Variants in OTOF observed in about 807,000 individuals in gnomAD.
The protein encoded by OTOF is fer-1-like family member 2.
In OTOF, 218 loss-of-function variants were observed where a neutral mutation model predicts 236.8. The observed-to-expected ratio is 0.92, with a 90% CI of 0.82 to 1.03. OTOF has a LOEUF of 1.03. Ranked by LOEUF, OTOF falls within the 50% of genes least tolerant of loss-of-function variation. OTOF has a pLI of 0.00. For synonymous variants in OTOF, 1,041 were observed against 1,072.5 expected (o/e 0.97, Z 0.57); for missense variants, 2,590 against 2,694.4 (o/e 0.96, Z 0.86).
intron 11 of OTOF, among the ~76,000 whole-genome samples, chr2:26,488,016 A>T (rs1374317816): frequency 6.6e-6 from 1 of 152,162 alleles, no homozygotes; most frequent in Non-Finnish European, 1.5e-5. Context: ...GCTGGACTAG[A>T]TGTTTTTCAG....
intron 26 of OTOF, 60 bp downstream of exon 26, chr2:26,474,453 T>A: frequency 1.2e-6 from 1 of 824,696 alleles, no homozygotes; most frequent in Non-Finnish European, 1.6e-6. Flanking sequence ...CCCCCAGCCC[T>A]AGGCCCCAAC....
chr2:26,553,136 T>C (rs1159620364), intron 1 of OTOF, among the ~76,000 whole-genome samples: 1 of 152,276 alleles, frequency 6.6e-6, no homozygotes, highest in East Asian at 1.9e-4. Flanking sequence ...GGACATCTTG[T>C]CCCCAGTGCC....
chr2:26,463,406 G>A (rs757581411), intron 41 of OTOF, 77 bp downstream of exon 41: 3 of 1,238,750 alleles, frequency 2.4e-6, no homozygotes, highest in Non-Finnish European at 3.5e-6. Context: ...TGAGCCCCCC[G>A]CAGGAAGGGT....
chr2:26,550,414 C>T (rs1182919197), intron 1 of OTOF, among the ~76,000 whole-genome samples: 1 of 151,972 alleles, frequency 6.6e-6, no homozygotes, highest in East Asian at 1.9e-4. Context: ...AGGCGGTGTT[C>T]CTTGCTCCCA....
At chr2:26,463,929 C>T (rs1212296964) in intron 40 of OTOF, 35 bp downstream of exon 40, 1 of 1,612,940 alleles carries the variant, frequency 6.2e-7, no homozygotes, top group Non-Finnish European at 8.5e-7. Flanking sequence ...GTCCCCAATA[C>T]CCAAGAACCC....
In OTOF at chr2:26,473,593, A is replaced by T. The variant is rs1245509411; in HGVS notation, c.3409-26T>A. On this transcript the variant is annotated intron_variant, in intron 27 of 46. Transcript: ENST00000272371. This position sits in a 1 kb window ranked among gnomAD's most constrained non-coding sequence, Gnocchi z 7.2. ...CTGGGAGAGGTTGGAGGGTGGGTGC[A>T]GAGAAGAGAGCCCCTTAGTCAAGGG... 1 of 1,582,874 alleles carries T rather than the reference A, an allele frequency of 6.3e-7. No homozygotes were observed. Among genetic ancestry groups the T allele is most frequent in the Non-Finnish European group, 8.6e-7 (1 of 1,169,022 alleles).
In OTOF at chr2:26,474,084, C is replaced by A. The variant is rs370116557; in HGVS notation, c.3315G>T (p.Leu1105=). The change falls in exon 27 of 47, where the codon CTG becomes CTT. Residue 1105 remains leucine, a synonymous_variant. Transcript: ENST00000272371. ...CGTCCACCGGGCCATTGATGGGGGGCAGGTCAGCCTTCCCTGCTGGTCCAA... is the reference window on the plus strand; with the variant it reads ...CGTCCACCGGGCCATTGATGGGGGGAAGGTCAGCCTTCCCTGCTGGTCCAA... ...LQIGPAGKAD[L]PPINGPVDVD... 24 of 1,612,868 alleles carry A rather than the reference C, an allele frequency of 1.5e-5. No individual in the cohort carries two copies. In the Admixed American group the frequency reaches 2.3e-4, roughly 16 times the overall value.
chr2:26,475,908 C>T lies in OTOF; in HGVS notation c.2991+6G>A, dbSNP rs969944898. 5 of 1,601,824 alleles carry T rather than the reference C, an allele frequency of 3.1e-6. No homozygotes were observed. Among genetic ancestry groups the T allele is most frequent in the Admixed American group, 1.7e-5 (1 of 58,716 alleles). ...CCAGAGCCACTCCCTCCTCCCAGGC[C>T]CTCACCTCTGTGCACTGACTCTGAT... On this transcript the variant is annotated splice_donor_region_variant and intron_variant, in intron 24 of 46. Transcript: ENST00000272371.
chr2:26,544,881 CA>C lies in OTOF; in HGVS notation c.80-7108del, dbSNP rs565300604. Among the ~76,000 whole-genome samples the C allele has an allele frequency of 5.8e-3, 858 of 148,184 alleles. 8 individuals are homozygous for C. Among genetic ancestry groups the C allele is most frequent in the African/African-American group, 0.02 (805 of 40,540 alleles). ...TGAAACCCTGTCTCTACTAAAAATA[CA>C]AAAAAAAAATTAGCCAGGCGTGGTG... On this transcript the variant is annotated intron_variant, in intron 1 of 46. Coordinates refer to ENST00000272371, the MANE Select transcript of OTOF (RefSeq NM_194248.3).
chr2:26,472,492 G>A (rs1184481101), intron 30 of OTOF, 27 bp downstream of exon 30: 1 of 1,613,140 alleles, frequency 6.2e-7, no homozygotes, highest in Admixed American at 1.7e-5. Context: ...TTCCCAGCCA[G>A]CAGGGGGCTG....
chr2:26,537,412 T>A (rs773124821), intron 2 of OTOF, among the ~76,000 whole-genome samples: 6 of 152,194 alleles, frequency 3.9e-5, no homozygotes, highest in Non-Finnish European at 7.3e-5. Flanking sequence ...ACCTGTGGGC[T>A]CTTTCTCCAC....
chr2:26,466,028 T>A lies in OTOF; in HGVS notation c.4549A>T (p.Ile1517Phe), dbSNP rs142333327. The A allele has an allele frequency of 5.0e-6, 8 of 1,614,238 alleles. No individual in the cohort carries two copies. The South Asian group carries it at 8.8e-5, about 18-fold the overall frequency. ...TCAGTCTTGCCTAGCCGGATGGCGA[T>A]GTAGGGGTCAGCTTTGCCGTTGATG... ...ADINGKADPYIAIRLGKTDIR... is the reference protein window; with the variant it reads ...ADINGKADPYFAIRLGKTDIR... Residue 1517 changes from isoleucine (I) to phenylalanine (F), a missense_variant, in exon 37 of 47, where the codon ATC (isoleucine) becomes TTC (phenylalanine). This residue lies in a region of OTOF where 1,211 missense variants were observed against 1,352.8 expected (regional missense o/e 0.90). Coordinates refer to ENST00000272371, the MANE Select transcript of OTOF (RefSeq NM_194248.3).
At position 26,519,091 on chromosome 2, in the gene OTOF, G is replaced by A; in HGVS notation, c.246C>T (p.Arg82=). The A allele has an allele frequency of 3.1e-6, 5 of 1,604,136 alleles. No individual in the cohort carries two copies. The highest frequency in any genetic ancestry group is 4.3e-6 in the Non-Finnish European group (5 of 1,173,746). ...CCTCTACCACCTTCTGCAGCACCAT[G>A]CGGAAGGTCCCGATGAGCCTGGGGA... ...VFSNKLIGTF[R]MVLQKVVEES... is the part of the protein sequence containing the mutation. The change falls in exon 4 of 47, where the codon CGC becomes CGT. Residue 82 remains arginine, a synonymous_variant. Transcript: ENST00000272371.
intron 2 of OTOF, among the ~76,000 whole-genome samples, chr2:26,531,678 T>A (rs1194248269): frequency 1.3e-5 from 2 of 152,180 alleles, no homozygotes; most frequent in African/African-American, 4.8e-5. Flanking sequence ...TTTTTGTGGT[T>A]ATGTCCTTTC....
In OTOF at chr2:26,460,167, A is replaced by T. The variant is rs375093015; in HGVS notation, c.5852T>A (p.Leu1951His). ...DTSFIWFLNP[L>H]KSARYFLWHT... is the part of the protein sequence containing the mutation. ...CCACAAGAAGTAGCGAGCCGACTTG[A>T]GAGGGTTCAGGAACCAGATGAAGCT... is the stretch of plus-strand genomic sequence containing the variant. Residue 1951 changes from leucine to histidine, a missense_variant, in exon 46 of 47, where the codon CTC becomes CAC. This residue lies in a region of OTOF where 1,211 missense variants were observed against 1,352.8 expected (regional missense o/e 0.90). Transcript: ENST00000272371. The surrounding 1 kb of genome is among the most constrained non-coding windows in gnomAD (Gnocchi z 5.3). 3 of 1,605,146 alleles carry T rather than the reference A, an allele frequency of 1.9e-6. No homozygotes were observed. The African/African-American group carries it at 4.0e-5, about 21-fold the overall frequency.
At chr2:26,540,980 G>A (rs192007566) in intron 1 of OTOF, among the ~76,000 whole-genome samples, 3 of 152,340 alleles carry the variant, frequency 2.0e-5, no homozygotes, top group South Asian at 2.1e-4. Flanking sequence ...AATTTTCCCC[G>A]CAGGTAACAC....
chr2:26,495,023 G>A lies in OTOF; in HGVS notation c.816C>T (p.Asp272=), dbSNP rs766116543. 2 of 1,614,118 alleles carry A rather than the reference G, an allele frequency of 1.2e-6. No homozygotes were observed. The highest frequency in any genetic ancestry group is 1.7e-6 in the Non-Finnish European group (2 of 1,179,958). The change falls in exon 9 of 47, where the codon GAC becomes GAT. Residue 272 remains aspartate, a synonymous_variant. Transcript: ENST00000272371. ...EARQLVGLNM[D]PVVCVEVGDD... ...CACCCACCTCCACGCACACCACAGGGTCCATGTTCAAGCCCACCAGCTGCC... is the reference window on the plus strand; with the variant it reads ...CACCCACCTCCACGCACACCACAGGATCCATGTTCAAGCCCACCAGCTGCC...
At chr2:26,545,040 C>CAAAA (rs56104110) in intron 1 of OTOF, among the ~76,000 whole-genome samples, 2 of 136,478 alleles carry the variant, frequency 1.5e-5, no homozygotes, top group Non-Finnish European at 3.2e-5. Context: ...GATGCCATCC[C>CAAAA]AAAAAAAAAA....
chr2:26,522,214 G>T (rs377387486), intron 3 of OTOF, among the ~76,000 whole-genome samples: 9 of 152,254 alleles, frequency 5.9e-5, no homozygotes, highest in African/African-American at 2.2e-4. Context: ...TCAAATAAAA[G>T]TAAAAATTAT....
Sources: allele counts gnomAD v4.1 joint callset (sites outside exome capture counted in the v4.1 genomes callset), GRCh38; gene constraint gnomAD v4.1.1; regional missense constraint gnomAD v4.1.1; non-coding constraint Gnocchi (gnomAD v3.1); transcripts MANE v1.5; gene names NCBI Gene and HGNC (gene_info 2026-07-23, HGNC 2026-07-21).